The following THSD7B variants were observed in gnomAD, a reference collection of about 807,000 sequenced individuals.
THSD7B encodes thrombospondin type 1 domain containing 7B.
THSD7B carries 138 observed loss-of-function variants against 213.6 expected under a neutral mutation model. The observed-to-expected ratio is 0.65, with a 90% CI of 0.56 to 0.74. The LOEUF (loss-of-function observed/expected upper bound fraction) is 0.74, where lower values mean the gene tolerates loss of function less well. THSD7B is among the 30% of genes least tolerant of loss of function. THSD7B has a pLI of 0.00. For missense variants in THSD7B, 1,931 were observed against 1,991.5 expected, an observed-to-expected ratio of 0.97 and a Z score of 0.58; for synonymous variants, 742 against 687.0, an observed-to-expected ratio of 1.08 and a Z score of -1.25.
chr2:137,607,880 T>G (rs1682213308), intron 17 of THSD7B, among the ~76,000 whole-genome samples: 1 of 152,234 alleles, frequency 6.6e-6, no homozygotes, highest in African/African-American at 2.4e-5. Context: ...TATGTGAGGA[T>G]GTCCCTGCCT....
intron 2 of THSD7B, among the ~76,000 whole-genome samples, chr2:136,998,166 G>A (rs532520266): frequency 6.7e-6 from 1 of 149,346 alleles, no homozygotes; most frequent in African/African-American, 2.5e-5. Context: ...TCTGGGGAGA[G>A]GAAGCATTAG....
chr2:136,817,070 A>G (rs1394562851), intron 1 of THSD7B, among the ~76,000 whole-genome samples: 1 of 152,170 alleles, frequency 6.6e-6, no homozygotes, highest in Non-Finnish European at 1.5e-5. Flanking sequence ...AGAAGCCTCT[A>G]TTGTCGGCTC....
At chr2:137,614,073 T>C (rs957136405) in intron 17 of THSD7B, among the ~76,000 whole-genome samples, 5 of 152,136 alleles carry the variant, frequency 3.3e-5, no homozygotes, top group African/African-American at 9.7e-5. Flanking sequence ...CAATCCTCTT[T>C]GCCTGTTTCT....
intron 2 of THSD7B, among the ~76,000 whole-genome samples, chr2:137,024,972 C>G (rs140773227): frequency 1.7e-3 from 255 of 152,260 alleles, no homozygotes; most frequent in African/African-American, 5.9e-3. Context: ...TCCCGGAGTC[C>G]TGCAGCGGCC....
intron 14 of THSD7B, among the ~76,000 whole-genome samples, chr2:137,446,798 C>T (rs759633883): frequency 1.3e-5 from 2 of 151,762 alleles, no homozygotes. Context: ...TGAGTGTTGC[C>T]GTGAAATATT....
chr2:137,466,473 C>T (rs1354190644), intron 15 of THSD7B, among the ~76,000 whole-genome samples: 3 of 152,056 alleles, frequency 2.0e-5, no homozygotes, highest in South Asian at 2.1e-4. Context: ...TTTCTTAAAA[C>T]ATTATGAGAT....
chr2:137,653,805 A>T (rs189300918), intron 21 of THSD7B, among the ~76,000 whole-genome samples: 21 of 152,082 alleles, frequency 1.4e-4, no homozygotes, highest in African/African-American at 4.6e-4. Context: ...TCTCTGATAA[A>T]TTTCTGAATA....
intron 12 of THSD7B, among the ~76,000 whole-genome samples, chr2:137,310,031 A>T (rs1381900795): frequency 6.6e-6 from 1 of 151,138 alleles, no homozygotes; most frequent in East Asian, 2.0e-4. Flanking sequence ...CAGTAATGGG[A>T]TGGCTGGGTC....
At chr2:137,281,992 A>T (rs1314721871) in intron 12 of THSD7B, among the ~76,000 whole-genome samples, 1 of 152,158 alleles carries the variant, frequency 6.6e-6, no homozygotes, top group Non-Finnish European at 1.5e-5. Context: ...GACTTCCACA[A>T]TGGTTGAACT....
At chr2:137,190,075 TTAA>T (rs1680626994) in intron 7 of THSD7B, among the ~76,000 whole-genome samples, 2 of 152,098 alleles carry the variant, frequency 1.3e-5, no homozygotes, top group South Asian at 4.1e-4. Flanking sequence ...GAACTGTGGG[TTAA>T]TAAGGGGGAA....
At chr2:137,216,406 C>G (rs1681244220) in intron 7 of THSD7B, among the ~76,000 whole-genome samples, 1 of 151,900 alleles carries the variant, frequency 6.6e-6, no homozygotes, top group Non-Finnish European at 1.5e-5. Context: ...ATCACACACG[C>G]TCTTCTTCCA....
chr2:136,994,842 A>G (rs888671361), intron 2 of THSD7B, among the ~76,000 whole-genome samples: 7 of 152,202 alleles, frequency 4.6e-5, no homozygotes, highest in Non-Finnish European at 8.8e-5. Flanking sequence ...TTTTCTAAGT[A>G]GTGAATATGA....
intron 1 of THSD7B, among the ~76,000 whole-genome samples, chr2:136,772,622 A>C (rs1269369652): frequency 1.3e-5 from 2 of 152,132 alleles, no homozygotes; most frequent in Non-Finnish European, 2.9e-5. Flanking sequence ...AAAAGGGAAA[A>C]TGAGTTGTTC....
intron 2 of THSD7B, among the ~76,000 whole-genome samples, chr2:136,932,426 C>G (rs1423164578): frequency 6.6e-6 from 1 of 152,120 alleles, no homozygotes; most frequent in East Asian, 1.9e-4. Context: ...GGGGCACTGG[C>G]CCCTGCGAAG....
intron 1 of THSD7B, among the ~76,000 whole-genome samples, chr2:136,879,369 T>C (rs1047012876): frequency 1.1e-4 from 16 of 152,142 alleles, no homozygotes; most frequent in Non-Finnish European, 2.2e-4. Context: ...CAGCTTTGTT[T>C]TTTTGGCTTA....
chr2:137,293,340 G>A (rs773608715), intron 12 of THSD7B, among the ~76,000 whole-genome samples: 13 of 151,912 alleles, frequency 8.6e-5, no homozygotes, highest in Non-Finnish European at 1.9e-4. Context: ...GTTTTGCCAT[G>A]TTGCCCAGGA....
At chr2:137,252,889 T>A (rs1257011165) in intron 10 of THSD7B, among the ~76,000 whole-genome samples, 25 of 151,608 alleles carry the variant, frequency 1.6e-4, no homozygotes. Flanking sequence ...GAGACTAGCA[T>A]GTTTCCAATA....
At chr2:137,325,580 GACAC>G (rs145681799) in intron 12 of THSD7B, among the ~76,000 whole-genome samples, 10 of 151,384 alleles carry the variant, frequency 6.6e-5, no homozygotes, top group African/African-American at 2.2e-4. Flanking sequence ...ATAACTCACA[GACAC>G]ACACACACAC....
chr2:137,014,794 C>G (rs894072683), intron 2 of THSD7B, among the ~76,000 whole-genome samples: 5 of 152,152 alleles, frequency 3.3e-5, no homozygotes, highest in Non-Finnish European at 4.4e-5. Context: ...CAGTCACTTC[C>G]CCTCTTGCTT....
Sources: gnomAD v4.1 joint callset for allele counts (sites outside exome capture counted in the v4.1 genomes callset) on GRCh38, gnomAD v4.1.1 for gene constraint, MANE v1.5 for transcripts, NCBI Gene and HGNC (gene_info 2026-07-23, HGNC 2026-07-21) for gene names.